Variants in CSGALNACT1 observed in about 807,000 individuals in gnomAD.
The protein encoded by CSGALNACT1 is beta4GalNAcT-1.
In CSGALNACT1, 52 loss-of-function variants were observed where a neutral mutation model predicts 51.0. The ratio of observed to expected loss-of-function variants is 1.02; its 90% confidence interval spans 0.82 to 1.29. CSGALNACT1 has a LOEUF of 1.29. CSGALNACT1 is among the 50% of genes most tolerant of loss of function. CSGALNACT1 has a pLI of 0.00. For synonymous variants in CSGALNACT1, 341 were observed against 254.4 expected (o/e 1.34, Z -3.24); for missense variants, 935 against 679.2 (o/e 1.38, Z -4.19).
chr8:19,448,552 G>A (rs1304040950), intron 5 of CSGALNACT1, among the ~76,000 whole-genome samples: 2 of 152,112 alleles, frequency 1.3e-5, no homozygotes, highest in Non-Finnish European at 2.9e-5. Context: ...CGGTAACAGA[G>A]GTAAAATGAA....
chr8:19,596,764 TTTTTAC>T (rs2048994687), intron 2 of CSGALNACT1, among the ~76,000 whole-genome samples: 1 of 152,214 alleles, frequency 6.6e-6, no homozygotes, highest in Non-Finnish European at 1.5e-5. Context: ...CTTTCAATTA[TTTTTAC>T]TTTTAAAGGA....
At chr8:19,498,599 C>A (rs1563740124) in intron 4 of CSGALNACT1, among the ~76,000 whole-genome samples, 1 of 152,148 alleles carries the variant, frequency 6.6e-6, no homozygotes, top group Non-Finnish European at 1.5e-5. Flanking sequence ...CTTTCCATCT[C>A]CCCTCCTAAG....
intron 8 of CSGALNACT1, among the ~76,000 whole-genome samples, chr8:19,411,426 T>A (rs925510746): frequency 2.0e-5 from 3 of 152,198 alleles, no homozygotes; most frequent in African/African-American, 7.2e-5. Context: ...ACACAGCAGG[T>A]ACTCAGTAAA....
chr8:19,602,624 G>T (rs898581681), upstream of CSGALNACT1: 24 of 152,308 alleles, frequency 1.6e-4, no homozygotes, highest in Admixed American at 1.3e-3. Flanking sequence ...TCCCTGGGGG[G>T]CGTGAAGCCC....
At chr8:19,747,813 G>T (rs1207631819) in intron 1 of CSGALNACT1, among the ~76,000 whole-genome samples, 1 of 140,772 alleles carries the variant, frequency 7.1e-6, no homozygotes, top group East Asian at 2.1e-4. Context: ...TGGAGGAGAA[G>T]TAAAAAAAAA....
At chr8:19,577,902 C>T (rs190933891) in intron 3 of CSGALNACT1, among the ~76,000 whole-genome samples, 178 of 152,324 alleles carry the variant, frequency 1.2e-3, no homozygotes, top group African/African-American at 4.2e-3. Flanking sequence ...CATCACATCA[C>T]ATGAGACATC....
chr8:19,491,269 A>C (rs986804276), intron 4 of CSGALNACT1, among the ~76,000 whole-genome samples: 4 of 152,218 alleles, frequency 2.6e-5, no homozygotes, highest in Non-Finnish European at 4.4e-5. Context: ...ACGATACCGC[A>C]AAATTTTACC....
intron 1 of CSGALNACT1, among the ~76,000 whole-genome samples, chr8:19,675,983 C>T (rs543598433): frequency 2.6e-5 from 4 of 151,156 alleles, no homozygotes; most frequent in African/African-American, 9.7e-5. Context: ...AAAGCCAGGG[C>T]TTTAAAAATC....
At chr8:19,409,260 C>G (rs968959313) in intron 8 of CSGALNACT1, among the ~76,000 whole-genome samples, 5 of 152,234 alleles carry the variant, frequency 3.3e-5, no homozygotes, top group African/African-American at 4.8e-5. Flanking sequence ...TCTGTTAACT[C>G]TCGCTTGCTG....
intron 1 of CSGALNACT1, among the ~76,000 whole-genome samples, chr8:19,666,807 G>GAA (rs1491152494): frequency 4.7e-5 from 1 of 21,246 alleles, no homozygotes; most frequent in East Asian, 9.6e-4. Context: ...AAGAAAGAAA[G>GAA]AAAGAGAGAG....
At chr8:19,487,074 T>G (rs1587005351) in intron 4 of CSGALNACT1, among the ~76,000 whole-genome samples, 1 of 152,228 alleles carries the variant, frequency 6.6e-6, no homozygotes, top group Admixed American at 6.5e-5. Flanking sequence ...TGCCAACTCA[T>G]GCTTTTATAT....
At chr8:19,423,773 C>T (rs1244334445) in intron 6 of CSGALNACT1, among the ~76,000 whole-genome samples, 1 of 152,096 alleles carries the variant, frequency 6.6e-6, no homozygotes, top group Admixed American at 6.5e-5. Context: ...AGGCAATTTG[C>T]TTCCTTTCTC....
intron 6 of CSGALNACT1, among the ~76,000 whole-genome samples, chr8:19,431,213 A>G (rs2153725934): frequency 6.6e-6 from 1 of 152,268 alleles, no homozygotes; most frequent in Admixed American, 6.5e-5. Context: ...AATATTGAAT[A>G]GTGAAAGCAG....
intron 5 of CSGALNACT1, among the ~76,000 whole-genome samples, chr8:19,451,739 G>T (rs528755791): frequency 5.9e-5 from 9 of 152,296 alleles, no homozygotes; most frequent in South Asian, 2.1e-4. Flanking sequence ...CATATTTATT[G>T]TAAGTTGAAG....
At chr8:19,654,701 G>A (rs1253474989) in intron 1 of CSGALNACT1, among the ~76,000 whole-genome samples, 5 of 151,650 alleles carry the variant, frequency 3.3e-5, no homozygotes, top group Non-Finnish European at 4.4e-5. Flanking sequence ...TGCACCACAC[G>A]CCCAGCTAAT....
At chr8:19,422,129 G>A (rs899979631) in intron 6 of CSGALNACT1, among the ~76,000 whole-genome samples, 2 of 152,000 alleles carry the variant, frequency 1.3e-5, no homozygotes, top group Admixed American at 6.6e-5. Context: ...ACACTAAGAC[G>A]CTATTTTTCT....
intron 4 of CSGALNACT1, among the ~76,000 whole-genome samples, chr8:19,480,057 T>A (rs898218427): frequency 1.3e-5 from 2 of 152,230 alleles, no homozygotes; most frequent in African/African-American, 4.8e-5. Flanking sequence ...AATGCATATT[T>A]CAGTTGCCTT....
chr8:19,405,394 G>A (rs987891918), exon 10 of CSGALNACT1: 3 of 460,494 alleles, frequency 6.5e-6, no homozygotes, highest in African/African-American at 4.0e-5. Context: ...TTCATATGAG[G>A]AGAAATATGC....
intron 1 of CSGALNACT1, among the ~76,000 whole-genome samples, chr8:19,612,587 C>T (rs769227003): frequency 1.3e-5 from 2 of 151,938 alleles, no homozygotes; most frequent in Non-Finnish European, 2.9e-5. Flanking sequence ...ATCTTTTTCA[C>T]GTGATAAGCA....
Sources: allele counts gnomAD v4.1 joint callset (sites outside exome capture counted in the v4.1 genomes callset), GRCh38; gene constraint gnomAD v4.1.1; transcripts MANE v1.5; gene names NCBI Gene and HGNC (gene_info 2026-07-23, HGNC 2026-07-21).